The following MYZAP variants were observed in gnomAD, a reference collection of about 807,000 sequenced individuals.
MYZAP encodes myocardial zonula adherens protein, also known as GRINL1A complex locus upstream.
MYZAP carries 66 observed loss-of-function variants against 69.4 expected under a neutral mutation model. The ratio of observed to expected loss-of-function variants is 0.95; its 90% CI spans 0.78 to 1.17. MYZAP has a LOEUF of 1.17. Ranked by LOEUF, MYZAP falls within the 50% of genes most tolerant of loss-of-function variation. The pLI is 0.00. For synonymous variants in MYZAP, 256 were observed against 205.9 expected (o/e 1.24, Z -2.09); for missense variants, 611 against 556.2 (o/e 1.10, Z -0.99).
intron 10 of MYZAP, among the ~76,000 whole-genome samples, chr15:57,641,386 A>G (rs1595899888): frequency 6.6e-6 from 1 of 152,206 alleles, no homozygotes; most frequent in Admixed American, 6.5e-5. Context: ...ACATATGTGC[A>G]TATGTATATG....
Position 57,639,426 on chromosome 15 carries a change from C to T in MYZAP, c.1014-14C>T, listed in dbSNP as rs919888882. ...GTTTAGGACTCATTTGCTTTTTTCT[C>T]CTATTTGTGTTAGGTATCAGCAGTT... On this transcript the variant is annotated splice_polypyrimidine_tract_variant and intron_variant, in intron 9 of 12. Coordinates refer to ENST00000267853, the MANE Select transcript of MYZAP (RefSeq NM_001018100.5). 6.2e-7 allele frequency: 1 copy of T among 1,612,774 alleles called. No individual in the cohort carries two copies.
At chr15:57,647,296 G>A in intron 10 of MYZAP, 1 of 985,446 alleles carries the variant, frequency 1.0e-6, no homozygotes, top group African/African-American at 1.7e-5. Flanking sequence ...TTTAGACACA[G>A]ATCCCCAGAT....
At chr15:57,608,774 C>G (rs1326752418) in intron 2 of MYZAP, among the ~76,000 whole-genome samples, 1 of 152,196 alleles carries the variant, frequency 6.6e-6, no homozygotes, top group Non-Finnish European at 1.5e-5. Context: ...CCCCTTAGAC[C>G]TTCTGGAGTT....
intron 12 of MYZAP, among the ~76,000 whole-genome samples, chr15:57,682,666 C>T (rs1440298949): frequency 6.6e-6 from 1 of 152,182 alleles, no homozygotes; most frequent in Non-Finnish European, 1.5e-5. Context: ...CCCTTCTGAA[C>T]TCCTTAGCCA....
At chr15:57,657,747 T>C (rs1401127457) in intron 10 of MYZAP, among the ~76,000 whole-genome samples, 1 of 152,212 alleles carries the variant, frequency 6.6e-6, no homozygotes, top group Non-Finnish European at 1.5e-5. Context: ...GTTTGAATTA[T>C]ATCCTTAGGA....
chr15:57,643,052 G>A (rs35282942), intron 10 of MYZAP, among the ~76,000 whole-genome samples: 40,416 of 152,086 alleles, frequency 0.27, 6,292 homozygotes, highest in South Asian at 0.39. Context: ...ATGTCAGGGG[G>A]TTGGGTATCT....
chr15:57,603,010 C>T (rs1046440031), intron 1 of MYZAP, among the ~76,000 whole-genome samples: 1 of 152,142 alleles, frequency 6.6e-6, no homozygotes, highest in Non-Finnish European at 1.5e-5. Context: ...TATGATAAAT[C>T]ACACAAATTG....
At chr15:57,671,434 AT>A (rs2038862409) in intron 11 of MYZAP, among the ~76,000 whole-genome samples, 1 of 152,008 alleles carries the variant, frequency 6.6e-6, no homozygotes. Flanking sequence ...CTTTAACTAA[AT>A]TTGGGGAGTT....
chr15:57,658,530 T>G (rs577520898), intron 10 of MYZAP, among the ~76,000 whole-genome samples: 2 of 152,354 alleles, frequency 1.3e-5, no homozygotes, highest in East Asian at 3.9e-4. Flanking sequence ...CCGACTACTT[T>G]TATTCGTACC....
chr15:57,619,314 C>T (rs1343894056), intron 3 of MYZAP, among the ~76,000 whole-genome samples: 1 of 152,186 alleles, frequency 6.6e-6, no homozygotes, highest in Non-Finnish European at 1.5e-5. Context: ...ACCTTAAACT[C>T]CTAGTTATCC....
At chr15:57,650,236 C>G (rs1443634203) in intron 10 of MYZAP, among the ~76,000 whole-genome samples, 1 of 152,014 alleles carries the variant, frequency 6.6e-6, no homozygotes, top group East Asian at 1.9e-4. Flanking sequence ...GTTTTCCTGC[C>G]CCTCTGCTGA....
chr15:57,635,682 T>C (rs2036777414), intron 8 of MYZAP, among the ~76,000 whole-genome samples: 1 of 152,268 alleles, frequency 6.6e-6, no homozygotes, highest in Non-Finnish European at 1.5e-5. Flanking sequence ...TTTACACTGT[T>C]TCCTTTTCAG....
chr15:57,651,398 T>C (rs375298020), intron 10 of MYZAP, among the ~76,000 whole-genome samples: 1 of 152,010 alleles, frequency 6.6e-6, no homozygotes, highest in Non-Finnish European at 1.5e-5. Context: ...TCTTGAATCA[T>C]AGAGGGAAAA....
At chr15:57,592,240 C>T in intron 1 of MYZAP, 131 bp downstream of exon 1, 1 of 832,676 alleles carries the variant, frequency 1.2e-6, no homozygotes, top group Non-Finnish European at 1.6e-6. Context: ...GCTCAACTCC[C>T]CGGTCCTGTG....
chr15:57,614,699 G>A (rs879359973), intron 2 of MYZAP, among the ~76,000 whole-genome samples: 1 of 152,146 alleles, frequency 6.6e-6, no homozygotes, highest in Non-Finnish European at 1.5e-5. Context: ...CAGGCTCTTG[G>A]GTTCCTACGG....
chr15:57,602,806 A>T (rs1193673615), intron 1 of MYZAP, among the ~76,000 whole-genome samples: 1 of 152,204 alleles, frequency 6.6e-6, no homozygotes, highest in African/African-American at 2.4e-5. Context: ...AGGTAAGAGA[A>T]TCTCTTACCA....
intron 10 of MYZAP, among the ~76,000 whole-genome samples, chr15:57,656,179 A>G (rs1019002271): frequency 6.6e-6 from 1 of 152,174 alleles, no homozygotes. Context: ...CTCTGGGGAC[A>G]TGTGTTTAGC....
At chr15:57,620,669 AC>A (rs1287931406) in intron 3 of MYZAP, among the ~76,000 whole-genome samples, 1 of 152,216 alleles carries the variant, frequency 6.6e-6, no homozygotes, top group East Asian at 1.9e-4. Flanking sequence ...TTACTGAGGA[AC>A]TGACTTTCAA....
At chr15:57,657,178 G>C (rs535012183) in intron 10 of MYZAP, among the ~76,000 whole-genome samples, 1 of 152,218 alleles carries the variant, frequency 6.6e-6, no homozygotes, top group Non-Finnish European at 1.5e-5. Context: ...AAGCCACTCT[G>C]ATTTCTTCAG....
Sources: gnomAD v4.1 joint callset for allele counts (sites outside exome capture counted in the v4.1 genomes callset) on GRCh38, gnomAD v4.1.1 for gene constraint, MANE v1.5 for transcripts, NCBI Gene and HGNC (gene_info 2026-07-23, HGNC 2026-07-21) for gene names.